Variants in MRTFA observed in about 807,000 individuals in gnomAD.
MRTFA encodes myocardin-related transcription factor A.
A neutral mutation model predicts 83.5 loss-of-function variants in MRTFA; 20 were observed. The observed-to-expected ratio is 0.24, with a 90% CI of 0.17 to 0.35. The LOEUF (loss-of-function observed/expected upper bound fraction) is 0.35, where lower values mean the gene tolerates loss of function less well. Ranked by LOEUF, MRTFA falls within the 10% of genes least tolerant of loss-of-function variation. The pLI is 1.00. For missense variants in MRTFA, 1,200 were observed against 1,224.7 expected (o/e 0.98, Z 0.30); for synonymous variants, 659 against 541.2 (o/e 1.22, Z -3.02).
chr22:40,470,593 G>C (rs2053892522), intron 3 of MRTFA, among the ~76,000 whole-genome samples: 1 of 151,774 alleles, frequency 6.6e-6, no homozygotes, highest in African/African-American at 2.4e-5. Context: ...ACTAGGAAAA[G>C]AGCAAATTAA....
chr22:40,451,886 G>A (rs540705174), intron 4 of MRTFA, among the ~76,000 whole-genome samples: 6 of 149,670 alleles, frequency 4.0e-5, no homozygotes, highest in Non-Finnish European at 4.4e-5. Flanking sequence ...TAATCAATAC[G>A]TCTAAGTGAT....
chr22:40,530,656 T>C (rs902973551), intron 3 of MRTFA, among the ~76,000 whole-genome samples: 2 of 152,262 alleles, frequency 1.3e-5, no homozygotes, highest in African/African-American at 2.4e-5. Flanking sequence ...TATGTTTCCA[T>C]AGTAGTGAGA....
chr22:40,599,842 C>T (rs573176621), intron 1 of MRTFA, among the ~76,000 whole-genome samples: 2 of 150,452 alleles, frequency 1.3e-5, no homozygotes, highest in South Asian at 2.1e-4. Flanking sequence ...GAGGCCGCAG[C>T]GAGCTATGAT....
chr22:40,605,271 G>A, intron 1 of MRTFA, among the ~76,000 whole-genome samples: 1 of 152,176 alleles, frequency 6.6e-6, no homozygotes, highest in East Asian at 1.9e-4. Context: ...AAACAAGTAA[G>A]TAGGCAAGCC....
intron 3 of MRTFA, among the ~76,000 whole-genome samples, chr22:40,481,112 A>C (rs1197433881): frequency 6.6e-6 from 1 of 152,100 alleles, no homozygotes; most frequent in South Asian, 2.1e-4. Context: ...TGTCTCAAAA[A>C]ATAACAACAA....
rs890518536 is a variant in MRTFA at position 40,411,138 on chromosome 22, G to A, written c.*252C>T. 7.6e-6 allele frequency: 3 copies of A among 392,178 alleles called. No individual in the cohort carries two copies. Among genetic ancestry groups the A allele is most frequent in the African/African-American group, 4.1e-5 (2 of 49,298 alleles). The allele number at this position is 392,178 out of a possible 1,614,324, so 24.3% of individuals were successfully genotyped here. A position where few individuals can be genotyped will look rare whatever the true frequency, so the allele number is the denominator to read the frequency against. ...AAGGAGGTCAAGCTGAAATGGCCCT[G>A]ACCCTGACCGTGTGTCCAAAACCCC... On this transcript the variant is annotated 3_prime_UTR_variant, in exon 15 of 15. Coordinates refer to ENST00000355630, the MANE Select transcript of MRTFA (RefSeq NM_020831.6).
At chr22:40,582,665 T>TACACATAC (rs372504732) in intron 2 of MRTFA, among the ~76,000 whole-genome samples, 2 of 143,026 alleles carry the variant, frequency 1.4e-5, no homozygotes, top group African/African-American at 2.5e-5. Flanking sequence ...TATACACACA[T>TACACATAC]ACACACACAC....
At chr22:40,532,472 C>T (rs1304226606) in intron 3 of MRTFA, among the ~76,000 whole-genome samples, 1 of 152,098 alleles carries the variant, frequency 6.6e-6, no homozygotes, top group East Asian at 1.9e-4. Flanking sequence ...GTTTAGAACA[C>T]AAAGCTCAAT....
intron 1 of MRTFA, among the ~76,000 whole-genome samples, chr22:40,614,751 T>C (rs1040489443): frequency 6.6e-6 from 1 of 152,326 alleles, no homozygotes; most frequent in South Asian, 2.1e-4. Context: ...CCTCCCAAAG[T>C]GCTGGGATTA....
At chr22:40,463,187 A>T in intron 4 of MRTFA, 34 bp downstream of exon 4, 2 of 1,592,622 alleles carry the variant, frequency 1.3e-6, no homozygotes, top group Non-Finnish European at 8.6e-7. Flanking sequence ...TCCTAAAAGC[A>T]ATCTACCAAA....
Position 40,410,936 on chromosome 22 carries a change from A to AG in MRTFA, c.*453dup, listed in dbSNP as rs5845460. The AG allele has an allele frequency of 4.2e-6, 1 of 235,410 alleles. No homozygotes were observed. The highest frequency in any genetic ancestry group is 8.3e-6 in the Non-Finnish European group (1 of 119,810). The allele number at this position is 235,410 out of a possible 1,614,324, so 14.6% of individuals were successfully genotyped here. On this transcript the variant is annotated 3_prime_UTR_variant, in exon 15 of 15. Transcript: ENST00000355630. ...CCTGGGGTTGGCAGACACAGGGAAT[A>AG]GGGGGTAGAGGCCCAGGCTAATTTC... is the stretch of plus-strand genomic sequence containing the variant.
intron 3 of MRTFA, among the ~76,000 whole-genome samples, chr22:40,548,358 CAAAAAAAAA>C (rs10664022): frequency 6.0e-5 from 4 of 66,164 alleles, no homozygotes; most frequent in East Asian, 4.6e-4. Context: ...GACTCCGTCT[CAAAAAAAAA>C]AAAAAAAAAA....
chr22:40,587,085 C>G (rs764766833), intron 2 of MRTFA: 2 of 452,842 alleles, frequency 4.4e-6, no homozygotes, highest in Non-Finnish European at 9.0e-6. Flanking sequence ...CAGGACTCTA[C>G]GATGAATCTT....
chr22:40,519,490 G>A lies in MRTFA; in HGVS notation c.241+32616C>T, dbSNP rs774075025. On this transcript the variant is annotated intron_variant, in intron 3 of 14. Transcript: ENST00000355630. ...AGTGCTGCCCTCTCTTCTCATGCTT[G>A]CTTACTTCCTTCAGGAGTCATTTTA... is the stretch of plus-strand genomic sequence containing the variant. The A allele has an allele frequency of 2.8e-5, 37 of 1,344,914 alleles. 1 individual carries two copies. Among genetic ancestry groups the A allele is most frequent in the South Asian group, 1.8e-4 (15 of 81,372 alleles). The allele number at this position is 1,344,914 out of a possible 1,614,324, so 83.3% of individuals were successfully genotyped here. A position where few individuals can be genotyped will look rare whatever the true frequency, so the allele number is the denominator to read the frequency against.
chr22:40,419,351 A>T lies in MRTFA; in HGVS notation c.1387T>A (p.Ser463Thr). The change falls in exon 12 of 15, where the codon TCA becomes ACA. Residue 463 changes from serine (S) to threonine (T), a missense_variant. Around this residue, in one of 2 missense-constraint regions of MRTFA, gnomAD observed 1,107 missense variants for 1,041.8 expected, o/e 1.06. Coordinates refer to ENST00000355630, the MANE Select transcript of MRTFA (RefSeq NM_020831.6). ...GTTTTGGTGCCCGAGACAGGCAGTGATCGCAACTTCAGCTCCTGCTTCAGC... is the reference window on the plus strand; with the variant it reads ...GTTTTGGTGCCCGAGACAGGCAGTGTTCGCAACTTCAGCTCCTGCTTCAGC... 1 of 1,613,892 alleles carries T rather than the reference A, an allele frequency of 6.2e-7. No homozygotes were observed. The highest frequency in any genetic ancestry group is 8.5e-7 in the Non-Finnish European group (1 of 1,179,992).
chr22:40,427,292 G>C (rs959214827), intron 7 of MRTFA, among the ~76,000 whole-genome samples: 1 of 152,170 alleles, frequency 6.6e-6, no homozygotes, highest in African/African-American at 2.4e-5. Flanking sequence ...AAGAGCTACT[G>C]TATCAACATG....
At chr22:40,456,643 C>T (rs768808725) in intron 4 of MRTFA, among the ~76,000 whole-genome samples, 13 of 152,138 alleles carry the variant, frequency 8.5e-5, no homozygotes, top group Admixed American at 6.5e-4. Context: ...GCTGAGATTG[C>T]GCCACTGCAC....
chr22:40,470,902 T>C (rs1371200736), intron 3 of MRTFA, among the ~76,000 whole-genome samples: 1 of 151,784 alleles, frequency 6.6e-6, no homozygotes. Context: ...TGAGCTGAGA[T>C]TGTGCCACTG....
At chr22:40,603,892 C>T (rs1264589717) in intron 1 of MRTFA, among the ~76,000 whole-genome samples, 2 of 151,568 alleles carry the variant, frequency 1.3e-5, no homozygotes, top group African/African-American at 4.8e-5. Flanking sequence ...GGATTATAGG[C>T]ATAAGCCACG....
Sources: allele counts gnomAD v4.1 joint callset (sites outside exome capture counted in the v4.1 genomes callset), GRCh38; gene constraint gnomAD v4.1.1; regional missense constraint gnomAD v4.1.1; transcripts MANE v1.5; gene names NCBI Gene and HGNC (gene_info 2026-07-23, HGNC 2026-07-21).